The following SLC44A2 variants were observed in gnomAD, a reference collection of about 807,000 sequenced individuals.
The protein encoded by SLC44A2 is choline transporter-like protein 2.
In SLC44A2, 57 loss-of-function variants were observed where a neutral mutation model predicts 90.8. The ratio of observed to expected loss-of-function variants is 0.63; its 90% CI spans 0.51 to 0.78. The LOEUF (loss-of-function observed/expected upper bound fraction) is 0.78. SLC44A2 is among the 30% of genes least tolerant of loss of function. The pLI is 0.00. For synonymous variants in SLC44A2, 355 were observed against 360.7 expected (o/e 0.98, Z 0.18); for missense variants, 794 against 919.7 (o/e 0.86, Z 1.77).
intron 1 of SLC44A2, among the ~76,000 whole-genome samples, chr19:10,605,543 AT>A (rs1031500508): frequency 7.9e-5 from 12 of 151,490 alleles, no homozygotes; most frequent in Non-Finnish European, 1.5e-4. Context: ...AATAATAAAA[AT>A]ACAAAAAATT....
At chr19:10,619,944 GA>G (rs2066884662) in intron 1 of SLC44A2, among the ~76,000 whole-genome samples, 1 of 152,028 alleles carries the variant, frequency 6.6e-6, no homozygotes, top group Non-Finnish European at 1.5e-5. Context: ...GACAGAGCGA[GA>G]CTCCGTCTCA....
At chr19:10,607,750 AT>A (rs1322222585) in intron 1 of SLC44A2, among the ~76,000 whole-genome samples, 2,515 of 88,444 alleles carry the variant, frequency 0.028, 34 homozygotes, top group Non-Finnish European at 0.044. Flanking sequence ...TATTATTATT[AT>A]TTTTTTTTTT....
chr19:10,618,831 C>T (rs1439113257), intron 1 of SLC44A2, among the ~76,000 whole-genome samples: 1 of 151,988 alleles, frequency 6.6e-6, no homozygotes, highest in Non-Finnish European at 1.5e-5. Context: ...GCTTCAGCCT[C>T]CCAAAGTGCT....
chr19:10,621,202 A>G (rs1458138246), upstream of SLC44A2, among the ~76,000 whole-genome samples: 2 of 151,720 alleles, frequency 1.3e-5, no homozygotes, highest in Admixed American at 1.3e-4. Context: ...AAATACAAAA[A>G]TCAGCCAGGC....
intron 1 of SLC44A2, among the ~76,000 whole-genome samples, chr19:10,609,653 TAG>T (rs1397558007): frequency 2.0e-5 from 3 of 152,016 alleles, no homozygotes; most frequent in African/African-American, 7.2e-5. Flanking sequence ...TTTGTAGAGA[TAG>T]AGTCTTGCTA....
At chr19:10,639,093 C>T (rs546541391) in intron 20 of SLC44A2, among the ~76,000 whole-genome samples, 2 of 152,306 alleles carry the variant, frequency 1.3e-5, no homozygotes, top group Admixed American at 1.3e-4. Flanking sequence ...ACCACCACAC[C>T]TGGCTAATTT....
intron 1 of SLC44A2, among the ~76,000 whole-genome samples, chr19:10,606,766 G>A (rs921394966): frequency 4.0e-5 from 6 of 151,802 alleles, no homozygotes; most frequent in South Asian, 2.1e-4. Flanking sequence ...AGCTGAGATC[G>A]TGCCATTTCT....
intron 20 of SLC44A2, among the ~76,000 whole-genome samples, chr19:10,640,202 T>C (rs116031706): frequency 1.3e-5 from 2 of 150,752 alleles, no homozygotes; most frequent in African/African-American, 4.9e-5. Flanking sequence ...GCGATTCTCC[T>C]GTCTCAGCTC....
chr19:10,611,081 G>A (rs1319329403), intron 1 of SLC44A2, among the ~76,000 whole-genome samples: 1 of 152,062 alleles, frequency 6.6e-6, no homozygotes, highest in Non-Finnish European at 1.5e-5. Context: ...CGGCTGAAGC[G>A]ATCCTTCCCC....
At position 10,638,108 on chromosome 19, in the gene SLC44A2, C is replaced by T; in HGVS notation, c.1840+15C>T. On this transcript the variant is annotated intron_variant, in intron 19 of 21. Coordinates refer to ENST00000335757, the MANE Select transcript of SLC44A2 (RefSeq NM_020428.4). Reference sequence around the variant, plus strand: ...TGGTAGTGTGGGTGAGTGCCGCCCACCTAGCCTCTCGGGGTGTGGGAGCCT... The same window carrying T: ...TGGTAGTGTGGGTGAGTGCCGCCCATCTAGCCTCTCGGGGTGTGGGAGCCT... 1 of 1,613,984 alleles carries T rather than the reference C, an allele frequency of 6.2e-7. No individual in the cohort carries two copies. Among genetic ancestry groups the T allele is most frequent in the Non-Finnish European group, 8.5e-7 (1 of 1,179,964 alleles).
At chr19:10,638,120 G>A (rs756122613) in intron 19 of SLC44A2, 27 bp downstream of exon 19, 1 of 1,613,824 alleles carries the variant, frequency 6.2e-7, no homozygotes, top group East Asian at 2.2e-5. Flanking sequence ...TAGCCTCTCG[G>A]GGTGTGGGAG....
rs189925695 is a variant in SLC44A2, at chr19:10,638,406, G to A, written c.1929+91G>A. The A allele has an allele frequency of 1.4e-5, 16 of 1,173,718 alleles. No individual in the cohort carries two copies. The African/African-American group carries it at 1.8e-4, about 13-fold the overall frequency. 72.7% of individuals were successfully genotyped at this position (1,173,718 alleles called of 1,614,324 possible). ...TTTGACTAGATAAATGTGGATAGAG[G>A]TCAGAGGTGGGGAATTGATTATTTA... On this transcript the variant is annotated intron_variant, in intron 20 of 21. Transcript: ENST00000335757.
chr19:10,638,014 C>A lies in SLC44A2; in HGVS notation c.1770-9C>A. On this transcript the variant is annotated splice_polypyrimidine_tract_variant and intron_variant, in intron 18 of 21. Transcript: ENST00000335757. ...AGCATTCACACCTGCCCCTCACTGT[C>A]CCCTGCAGAGTGGCTGTCCTGGATA... The A allele has an allele frequency of 6.2e-7, 1 of 1,614,106 alleles. No individual in the cohort carries two copies. The highest frequency in any genetic ancestry group is 8.5e-7 in the Non-Finnish European group (1 of 1,180,000).
chr19:10,623,364 T>C (rs745379974), upstream of SLC44A2, among the ~76,000 whole-genome samples: 12 of 151,738 alleles, frequency 7.9e-5, no homozygotes, highest in African/African-American at 1.2e-4. Context: ...AGTCCTAGAG[T>C]CTAAGGCAGC....
At chr19:10,628,808 T>G (rs2066962109) in intron 4 of SLC44A2, among the ~76,000 whole-genome samples, 1 of 152,088 alleles carries the variant, frequency 6.6e-6, no homozygotes, top group South Asian at 2.1e-4. Flanking sequence ...AGGGCAGGTG[T>G]CTCAATCTCT....
intron 4 of SLC44A2, among the ~76,000 whole-genome samples, chr19:10,630,605 G>A (rs1194998815): frequency 1.4e-5 from 2 of 148,098 alleles, no homozygotes; most frequent in Non-Finnish European, 3.0e-5. Context: ...AGGTTGTAGT[G>A]AGCCCACATC....
At chr19:10,641,237 T>A (rs750734824) in intron 20 of SLC44A2, 1 of 350,950 alleles carries the variant, frequency 2.8e-6, no homozygotes, top group African/African-American at 2.2e-5. Flanking sequence ...CACAAAAAAA[T>A]ACAAAAATTA....
At chr19:10,642,997 G>T (rs1326566248) in intron 21 of SLC44A2, 2 of 1,572,526 alleles carry the variant, frequency 1.3e-6, no homozygotes, top group Non-Finnish European at 1.7e-6. Context: ...AGGAGGGGAA[G>T]CGGGCAGAAG....
chr19:10,636,576 G>A lies in SLC44A2; in HGVS notation c.1487G>A (p.Arg496Gln), dbSNP rs1202831048. 1.9e-6 allele frequency: 3 copies of A among 1,604,296 alleles called. No homozygotes were observed. The highest frequency in any genetic ancestry group is 3.3e-4 in the Middle Eastern group (2 of 6,062). The stretch of plus-strand genomic sequence containing the variant: ...TTCCCGCTCTTCTCTGCCTTTGGCC[G>A]GGCGCTCAGGTGGGCTGGCGTTGCA... ...PAFPLFSAFG[R>Q]ALRYHTGSLA... The change falls in exon 15 of 22, where the codon CGG becomes CAG. Residue 496 changes from arginine to glutamine, a missense_variant. By Grantham distance (43) the Arg-to-Gln change is conservative (BLOSUM62 1). Transcript: ENST00000335757.
Sources: gnomAD v4.1 joint callset for allele counts (sites outside exome capture counted in the v4.1 genomes callset) on GRCh38, gnomAD v4.1.1 for gene constraint, MANE v1.5 for transcripts, NCBI Gene and HGNC (gene_info 2026-07-23, HGNC 2026-07-21) for gene names.